Variants in LMBR1L observed in about 807,000 individuals in gnomAD.
LMBR1L encodes the protein limb development membrane protein 1 like, also known as protein LMBR1L.
In LMBR1L, 47 loss-of-function variants were observed where a neutral mutation model predicts 67.3. The ratio of observed to expected loss-of-function variants is 0.70; its 90% CI spans 0.55 to 0.89. The LOEUF is 0.89. LMBR1L is among the 40% of genes least tolerant of loss of function. The pLI, the probability that LMBR1L is intolerant of heterozygous loss-of-function variation, is 0.00. For synonymous variants in LMBR1L, 247 were observed against 250.3 expected (o/e 0.99, Z 0.13); for missense variants, 533 against 599.2 (o/e 0.89, Z 1.15).
At chr12:49,102,255 G>A in intron 10 of LMBR1L, 38 bp downstream of exon 10, 1 of 1,613,514 alleles carries the variant, frequency 6.2e-7, no homozygotes, top group African/African-American at 1.3e-5. Flanking sequence ...CTCTCCTTGG[G>A]GAAACCCAGG....
intron 15 of LMBR1L, among the ~76,000 whole-genome samples, chr12:49,099,363 G>A (rs77124159): frequency 0.03 from 4,582 of 151,338 alleles, 228 homozygotes; most frequent in African/African-American, 0.11. Context: ...TGGCTAGGCC[G>A]GTCTTGACCT....
Position 49,100,838 on chromosome 12 carries a change from CCA to C in LMBR1L, c.1083-194_1083-193del, listed in dbSNP as rs1324666991. The C allele has an allele frequency of 3.5e-5, 21 of 598,574 alleles. No homozygotes were observed. In the East Asian group the frequency reaches 6.0e-4, roughly 17 times the overall value. 37.1% of individuals were successfully genotyped at this position (598,574 alleles called of 1,614,324 possible). On this transcript the variant is annotated intron_variant, in intron 13 of 16. Transcript: ENST00000267102. ...GACCTTCTGGGCTTAAGCGATCTTC[CCA>C]CGTCAGCCTCCCACGTAGCTGGGAA...
intron 2 of LMBR1L, 144 bp downstream of exon 2, chr12:49,106,817 C>T (rs1940970700): frequency 3.5e-6 from 3 of 863,676 alleles, no homozygotes; most frequent in Non-Finnish European, 5.9e-6. Flanking sequence ...CCCTATCTTG[C>T]AGAAAGGGAG....
rs917668336 is a variant in LMBR1L at position 49,104,465 on chromosome 12, A to C, written c.418T>G (p.Phe140Val). ...FAYFFTESEG[F>V]AGSRKGVLGR... ...CTACTTACCTTTCTGGAGCCAGCAAAGCCCTCAGACTCAGTGAAGAAATAT... is the reference window on the plus strand; with the variant it reads ...CTACTTACCTTTCTGGAGCCAGCAACGCCCTCAGACTCAGTGAAGAAATAT... The change falls in exon 5 of 17, where the codon TTT becomes GTT. Residue 140 changes from phenylalanine to valine, a missense_variant. This residue lies in a region of LMBR1L where 246 missense variants were observed against 249.0 expected (regional missense o/e 0.99). Coordinates refer to ENST00000267102, the MANE Select transcript of LMBR1L (RefSeq NM_018113.4). The C allele has an allele frequency of 1.9e-6, 3 of 1,612,264 alleles. No individual in the cohort carries two copies. The African/African-American group carries it at 4.0e-5, about 22-fold the overall frequency.
rs1460987911 is a variant in LMBR1L, at chr12:49,110,638, C to G, written c.-83G>C. The G allele has an allele frequency of 2.4e-6, 3 of 1,229,958 alleles. No individual in the cohort carries two copies. The highest frequency in any genetic ancestry group is 2.3e-5 in the East Asian group (1 of 42,948). 76.2% of individuals were successfully genotyped at this position (1,229,958 alleles called of 1,614,324 possible). Reference sequence around the variant, plus strand: ...GAGGAAGCCGCCGCCGCCAAGCACCCAGACCCAGCCTAGGGGCCTTTCCTC... The same window carrying G: ...GAGGAAGCCGCCGCCGCCAAGCACCGAGACCCAGCCTAGGGGCCTTTCCTC... On this transcript the variant is annotated 5_prime_UTR_variant, in exon 1 of 17. Transcript: ENST00000267102.
At position 49,102,556 on chromosome 12, in the gene LMBR1L, A is replaced by G. The variant is rs749533576; in HGVS notation, c.697-16T>C. ...CTTCCAGCAGCTAGGGGCAGGGGAA[A>G]GGAAGAGACTAACTGTCAGAGGCTC... is the stretch of plus-strand genomic sequence containing the variant. On this transcript the variant is annotated splice_polypyrimidine_tract_variant and intron_variant, in intron 8 of 16. Coordinates refer to ENST00000267102, the MANE Select transcript of LMBR1L (RefSeq NM_018113.4). The G allele has an allele frequency of 5.0e-6, 8 of 1,613,274 alleles. No homozygotes were observed. In the African/African-American group the frequency reaches 1.1e-4, roughly 22 times the overall value.
Position 49,110,479 on chromosome 12 carries a change from C to T in LMBR1L, c.72+5G>A. On this transcript the variant is annotated splice_donor_5th_base_variant and intron_variant, in intron 1 of 16. Transcript: ENST00000267102. ...CGCTTCTCCTCGCCGGGGCCCCGCA[C>T]TCACAATACACTCGCGGATCCTCTC... is the stretch of plus-strand genomic sequence containing the variant. 1 of 1,613,866 alleles carries T rather than the reference C, an allele frequency of 6.2e-7. No homozygotes were observed. Among genetic ancestry groups the T allele is most frequent in the Middle Eastern group, 1.7e-4 (1 of 6,058 alleles).
At chr12:49,104,345 C>A in intron 5 of LMBR1L, 103 bp downstream of exon 5, 1 of 873,422 alleles carries the variant, frequency 1.1e-6, no homozygotes, top group Non-Finnish European at 1.8e-6. Flanking sequence ...CCTCAAACTT[C>A]CGTTAACTAA....
chr12:49,098,108 G>A lies in LMBR1L; in HGVS notation c.1241-3C>T, dbSNP rs926110675. On this transcript the variant is annotated splice_polypyrimidine_tract_variant and splice_region_variant and intron_variant, in intron 15 of 16. Transcript: ENST00000267102. ...CAGCAGGTCAAAGCGAGTGAGCCCT[G>A]AAGCACAAAGGCCAGGATGAGAGGT... 3.7e-5 allele frequency: 60 copies of A among 1,611,868 alleles called. No individual in the cohort carries two copies. The highest frequency in any genetic ancestry group is 3.3e-4 in the Middle Eastern group (2 of 6,056).
intron 1 of LMBR1L, 144 bp downstream of exon 1, chr12:49,110,340 C>G (rs972268144): frequency 1.9e-5 from 14 of 744,838 alleles, no homozygotes; most frequent in Admixed American, 1.2e-4. Context: ...GCCGGGCACC[C>G]GCCCTTCTGC....
At chr12:49,107,129 C>A (rs955116839) in intron 1 of LMBR1L, 84 bp from the exon 2 acceptor site, 3 of 864,790 alleles carry the variant, frequency 3.5e-6, no homozygotes, top group African/African-American at 1.7e-5. Context: ...TAATTCCAGG[C>A]CATCACTTCC....
At chr12:49,102,261 C>T in intron 10 of LMBR1L, 32 bp downstream of exon 10, 1 of 1,613,520 alleles carries the variant, frequency 6.2e-7, no homozygotes, top group Non-Finnish European at 8.5e-7. Flanking sequence ...TTGGGGAAAC[C>T]CAGGTATCCC....
intron 1 of LMBR1L, 94 bp downstream of exon 1, chr12:49,110,390 T>C (rs1941412384): frequency 1.1e-5 from 13 of 1,236,778 alleles, no homozygotes; most frequent in Non-Finnish European, 1.5e-5. Context: ...GGCCCAGGCA[T>C]GGTTTGACGG....
rs1940860495 is a variant in LMBR1L, at chr12:49,106,020, T to C, written c.158-63A>G. 5.6e-6 allele frequency: 8 copies of C among 1,439,008 alleles called. 1 individual carries two copies. In the South Asian group the frequency reaches 9.4e-5, roughly 17 times the overall value. 89.1% of individuals were successfully genotyped at this position (1,439,008 alleles called of 1,614,324 possible). ...CATCAGGGGGCAGCTCTGAGGCCGT[T>C]AGTATTACAATGTGCTCCCTGCCCC... On this transcript the variant is annotated intron_variant, in intron 2 of 16. Coordinates refer to ENST00000267102, the MANE Select transcript of LMBR1L (RefSeq NM_018113.4).
intron 1 of LMBR1L, among the ~76,000 whole-genome samples, chr12:49,108,763 C>G (rs939386792): frequency 2.0e-5 from 3 of 151,812 alleles, no homozygotes; most frequent in Non-Finnish European, 4.4e-5. Flanking sequence ...AAAAAAAACA[C>G]CAGAGAGTCT....
intron 15 of LMBR1L, 111 bp downstream of exon 15, chr12:49,100,277 C>T (rs1939971230): frequency 1.2e-6 from 1 of 856,778 alleles, no homozygotes; most frequent in African/African-American, 1.7e-5. Context: ...ATAATACCTA[C>T]TCATGGGTTT....
chr12:49,110,398 C>A lies in LMBR1L; in HGVS notation c.72+86G>T. 2.3e-6 allele frequency: 3 copies of A among 1,316,582 alleles called. No individual in the cohort carries two copies. The Admixed American group carries it at 5.1e-5, about 22-fold the overall frequency. 81.6% of individuals were successfully genotyped at this position (1,316,582 alleles called of 1,614,324 possible). ...CGCCGCTGGCCCAGGCATGGTTTGA[C>A]GGCACTCTGAGACCAGGTGGGCTCG... is the stretch of plus-strand genomic sequence containing the variant. On this transcript the variant is annotated intron_variant, in intron 1 of 16. Coordinates refer to ENST00000267102, the MANE Select transcript of LMBR1L (RefSeq NM_018113.4).
intron 14 of LMBR1L, 40 bp downstream of exon 14, chr12:49,100,516 C>G: frequency 6.2e-7 from 1 of 1,609,088 alleles, no homozygotes; most frequent in Non-Finnish European, 8.5e-7. Flanking sequence ...TAGTGCCCAT[C>G]CACACCCCCC....
chr12:49,106,782 G>A (rs745422730), intron 2 of LMBR1L, 179 bp downstream of exon 2: 70 of 833,308 alleles, frequency 8.4e-5, no homozygotes, highest in Non-Finnish European at 1.4e-4. Context: ...TTGCCCAGCA[G>A]ACACATCCAT....
Sources: gnomAD v4.1 joint callset for allele counts (sites outside exome capture counted in the v4.1 genomes callset) on GRCh38, gnomAD v4.1.1 for gene constraint, gnomAD v4.1.1 regional missense constraint, MANE v1.5 for transcripts, NCBI Gene and HGNC (gene_info 2026-07-23, HGNC 2026-07-21) for gene names.